Variants in SCN4A observed in about 807,000 individuals in gnomAD.
The protein encoded by SCN4A is sodium voltage-gated channel alpha subunit 4, also known as sodium channel protein type 4 subunit alpha.
A neutral mutation model predicts 162.0 loss-of-function variants in SCN4A; 83 were observed. The ratio of observed to expected loss-of-function variants is 0.51; its 90% CI spans 0.43 to 0.61. The LOEUF (loss-of-function observed/expected upper bound fraction) is 0.61, where lower values mean the gene tolerates loss of function less well. SCN4A is among the 20% of genes least tolerant of loss of function. The pLI is 0.00. For synonymous variants in SCN4A, 944 were observed against 985.1 expected (o/e 0.96, Z 0.78); for missense variants, 2,196 against 2,462.5 (o/e 0.89, Z 2.29).
intron 14 of SCN4A, 166 bp from the exon 15 acceptor site, chr17:63,949,694 G>A: frequency 1.3e-6 from 1 of 762,424 alleles, no homozygotes; most frequent in Non-Finnish European, 2.0e-6. Context: ...AGGAACCACG[G>A]GGACGTAGGT....
rs1012077814 is a variant in SCN4A, at chr17:63,957,629, C to A, written c.2020-111G>T. The A allele has an allele frequency of 8.6e-6, 6 of 696,290 alleles. No homozygotes were observed. The African/African-American group carries it at 1.1e-4, about 12-fold the overall frequency. 43.1% of individuals were successfully genotyped at this position (696,290 alleles called of 1,614,324 possible). On this transcript the variant is annotated intron_variant, in intron 12 of 23. Coordinates refer to ENST00000435607, the MANE Select transcript of SCN4A (RefSeq NM_000334.4). Reference sequence around the variant, plus strand: ...AGTAGCTTGAATCTCCAGCCCCCCACACCATCTGAGTCCTCAGTGTGCCCT... The same window carrying A: ...AGTAGCTTGAATCTCCAGCCCCCCAAACCATCTGAGTCCTCAGTGTGCCCT...
intron 14 of SCN4A, chr17:63,949,733 T>C (rs1908847636): frequency 1.1e-5 from 6 of 544,206 alleles, no homozygotes; most frequent in Admixed American, 3.4e-5. Flanking sequence ...ATGACACTTA[T>C]ATAAGGAGTG....
chr17:63,951,859 G>A lies in SCN4A; in HGVS notation c.2418C>T (p.Ser806=), dbSNP rs201306103. Residue 806 remains serine, a synonymous_variant, in exon 14 of 24, where the codon AGC becomes AGT. Transcript: ENST00000435607. The surrounding 1 kb of genome is among the most constrained non-coding windows in gnomAD (Gnocchi z 4.5). ...CATCCGAGGCTGCCAGACTGTCGGC[G>A]CTGAAGGAGCTCAGCAGCAGAGCCA... ...LFLALLLSSF[S]ADSLAASDED... is the part of the protein sequence containing the mutation. The A allele has an allele frequency of 1.9e-6, 3 of 1,555,514 alleles. No homozygotes were observed. Among genetic ancestry groups the A allele is most frequent in the Non-Finnish European group, 1.7e-6 (2 of 1,154,142 alleles).
rs1430965826 is a variant in SCN4A at position 63,972,061 on chromosome 17, C to T, written c.482+75G>A. 1.3e-5 allele frequency: 16 copies of T among 1,212,274 alleles called. No homozygotes were observed. Among genetic ancestry groups the T allele is most frequent in the Admixed American group, 1.9e-5 (1 of 51,470 alleles). The allele number at this position is 1,212,274 out of a possible 1,614,324, so 75.1% of individuals were successfully genotyped here. A position where few individuals can be genotyped will look rare whatever the true frequency, so the allele number is the denominator to read the frequency against. ...GTGTCTCCCTGAAAGACAAGAGCAG[C>T]ACCACACAGAGGTGCAAACACCTGA... On this transcript the variant is annotated intron_variant, in intron 3 of 23. Coordinates refer to ENST00000435607, the MANE Select transcript of SCN4A (RefSeq NM_000334.4). This position sits in a 1 kb window ranked among gnomAD's most constrained non-coding sequence, Gnocchi z 4.3.
In SCN4A at chr17:63,961,255, T is replaced by C; in HGVS notation, c.1783A>G (p.Met595Val). ...TICIVLNTLF[M>V]AMEHYPMTEH... ...GTCATGGGGTAATGTTCCATGGCCA[T>C]GAAGAGGGTGTTGAGCACGATGCAG... The change falls in exon 11 of 24, where the codon ATG (methionine) becomes GTG (valine). Residue 595 changes from methionine to valine, a missense_variant. Physicochemically the swap from Met to Val is conservative, Grantham distance 21. Transcript: ENST00000435607. The C allele has an allele frequency of 6.7e-7, 1 of 1,487,066 alleles. No individual in the cohort carries two copies. The highest frequency in any genetic ancestry group is 9.1e-7 in the Non-Finnish European group (1 of 1,100,148). 92.1% of individuals were successfully genotyped at this position (1,487,066 alleles called of 1,614,324 possible). A position where few individuals can be genotyped will look rare whatever the true frequency, so the allele number is the denominator to read the frequency against.
rs758298418 is a variant in SCN4A, at chr17:63,944,406, G to A, written c.3912+267C>T. 2.6e-5 allele frequency among the ~76,000 whole-genome samples: 4 copies of A among 152,100 alleles called. No individual in the cohort carries two copies. The highest frequency in any genetic ancestry group is 7.2e-5 in the African/African-American group (3 of 41,476). ...CCTGACCTTGTGATCCGCCCGCCTC[G>A]GCCTCCCAAAGTGCTGGGATTACAA... On this transcript the variant is annotated intron_variant, in intron 21 of 23. Transcript: ENST00000435607. This position sits in a 1 kb window ranked among gnomAD's most constrained non-coding sequence, Gnocchi z 4.3.
At chr17:63,947,740 GCT>G (rs1226858255) in intron 17 of SCN4A, 148 bp downstream of exon 17, 5 of 718,358 alleles carry the variant, frequency 7.0e-6, no homozygotes, top group Non-Finnish European at 1.1e-5. Flanking sequence ...TCCCTGGGCA[GCT>G]CTGTCTGAGA....
At chr17:63,966,438 A>G (rs1446731413) in intron 7 of SCN4A, 43 bp downstream of exon 7, 2 of 1,582,490 alleles carry the variant, frequency 1.3e-6, no homozygotes, top group African/African-American at 2.7e-5. Context: ...CCACCTTCCA[A>G]GACCCCTGGG....
At position 63,951,829 on chromosome 17, in the gene SCN4A, A is replaced by G. The variant is rs150307926; in HGVS notation, c.2448T>C (p.Asp816=). The G allele has an allele frequency of 5.0e-5, 79 of 1,576,068 alleles. No individual in the cohort carries two copies. The Middle Eastern group carries it at 6.6e-4, about 13-fold the overall frequency. The change falls in exon 14 of 24, where the codon GAT becomes GAC. Residue 816 remains aspartate (D), a synonymous_variant. Transcript: ENST00000435607. This position sits in a 1 kb window ranked among gnomAD's most constrained non-coding sequence, Gnocchi z 4.5. ...CAATCTGCAGGTTGTTCATCTCGCC[A>G]TCCTCATCCGAGGCTGCCAGACTGT... The part of the protein sequence containing the change: ...SADSLAASDE[D]GEMNNLQIAI...
rs3785568 is a variant in SCN4A, at chr17:63,946,431, T to G, written c.3441+614A>C. 2.7e-5 allele frequency among the ~76,000 whole-genome samples: 4 copies of G among 146,938 alleles called. No individual in the cohort carries two copies. In the East Asian group the frequency reaches 7.9e-4, roughly 29 times the overall value. On this transcript the variant is annotated intron_variant, in intron 18 of 23. Transcript: ENST00000435607. ...TGGAGCAGGTCTTGCTCCCAGCAGA[T>G]CTCTCTTCCTGGGGAAGTCCCATTT... is the stretch of plus-strand genomic sequence containing the variant.
rs1598406854 is a variant in SCN4A at position 63,945,767 on chromosome 17, C to A, written c.3442-129G>T. On this transcript the variant is annotated intron_variant, in intron 18 of 23. Transcript: ENST00000435607. The surrounding 1 kb of genome is among the most constrained non-coding windows in gnomAD (Gnocchi z 4.4). ...TTAGGGAGGGCTTCCTAGAGGAGGG[C>A]CGACCTGCTGGGCTGTGTGTGTGCA... is the stretch of plus-strand genomic sequence containing the variant. 1 of 892,156 alleles carries A rather than the reference C, an allele frequency of 1.1e-6. No homozygotes were observed. Among genetic ancestry groups the A allele is most frequent in the Non-Finnish European group, 1.7e-6 (1 of 574,250 alleles). 55.3% of individuals were successfully genotyped at this position (892,156 alleles called of 1,614,324 possible).
chr17:63,941,732 A>G lies in SCN4A; in HGVS notation c.4550T>C (p.Phe1517Ser), dbSNP rs1908540958. Residue 1517 changes from phenylalanine to serine, a missense_variant, in exon 24 of 24, where the codon TTC becomes TCC. Physicochemically the swap from Phe to Ser is radical, Grantham distance 155 (BLOSUM62 -2). Coordinates refer to ENST00000435607, the MANE Select transcript of SCN4A (RefSeq NM_000334.4). This position sits in a 1 kb window ranked among gnomAD's most constrained non-coding sequence, Gnocchi z 6.2. Reference sequence around the variant, plus strand: ...GCTGTTGCCGAAGGTCTCGAAGTTGAACATATCATCGATGCCCGACTCCTT... The same window carrying G: ...GCTGTTGCCGAAGGTCTCGAAGTTGGACATATCATCGATGCCCGACTCCTT... ...VKKESGIDDM[F>S]NFETFGNSII... The G allele has an allele frequency of 6.2e-7, 1 of 1,613,966 alleles. No homozygotes were observed. Among genetic ancestry groups the G allele is most frequent in the Non-Finnish European group, 8.5e-7 (1 of 1,180,034 alleles).
At chr17:63,942,767 G>C (rs773453397) in intron 23 of SCN4A, 59 bp downstream of exon 23, 103 of 1,541,616 alleles carry the variant, frequency 6.7e-5, no homozygotes, top group Middle Eastern at 1.8e-4. Context: ...GTGTGAGGAT[G>C]GGTCTTCCCG....
At chr17:63,968,536 T>C (rs1352733259) in intron 5 of SCN4A, among the ~76,000 whole-genome samples, 181 bp from the exon 6 acceptor site, 1 of 152,202 alleles carries the variant, frequency 6.6e-6, no homozygotes, top group Admixed American at 6.6e-5. Flanking sequence ...ATCCTCAATC[T>C]GGAGCCCTCA....
chr17:63,940,921 G>A lies in SCN4A; in HGVS notation c.5361C>T (p.Ser1787=). Residue 1787 remains serine, a synonymous_variant, in exon 24 of 24, where the codon AGC becomes AGT. Transcript: ENST00000435607. Reference sequence around the variant, plus strand: ...CCTTCTCCTCCGGGCTTGGCGAGCTGCTGTTCCCATTCTCGTGGCCATACA... The same window carrying A: ...CCTTCTCCTCCGGGCTTGGCGAGCTACTGTTCCCATTCTCGTGGCCATACA... ...SKMYGHENGN[S]SSPSPEEKGE... is the part of the protein sequence containing the mutation. The A allele has an allele frequency of 6.2e-7, 1 of 1,613,998 alleles. No homozygotes were observed.
In SCN4A at chr17:63,957,230, T is replaced by C; in HGVS notation, c.2308A>G (p.Met770Val). The C allele has an allele frequency of 1.2e-6, 2 of 1,608,416 alleles. No homozygotes were observed. The highest frequency in any genetic ancestry group is 1.7e-6 in the Non-Finnish European group (2 of 1,175,152). Residue 770 changes from methionine to valine, a missense_variant, in exon 13 of 24, where the codon ATG (methionine) becomes GTG (valine). Physicochemically the swap from Met to Val is conservative, Grantham distance 21. Transcript: ENST00000435607. ...CACATGGCTTGGCCGGCCACCTCCA[T>C]GCAGTCCCACATGGTCTCGATCCAC... is the stretch of plus-strand genomic sequence containing the variant. ...GEWIETMWDC[M>V]EVAGQAMCLT...
rs769489512 is a variant in SCN4A at position 63,964,337 on chromosome 17, C to T, written c.1452+131G>A. On this transcript the variant is annotated intron_variant, in intron 9 of 23. Coordinates refer to ENST00000435607, the MANE Select transcript of SCN4A (RefSeq NM_000334.4). Reference sequence around the variant, plus strand: ...AAAGCTCCCAGCCCAGGGCCTTCTGCTCCTTCTGCCTCAAAACCCCTACCC... The same window carrying T: ...AAAGCTCCCAGCCCAGGGCCTTCTGTTCCTTCTGCCTCAAAACCCCTACCC... 2.6e-4 allele frequency: 184 copies of T among 718,550 alleles called. 1 individual carries two copies. Among genetic ancestry groups the T allele is most frequent in the Middle Eastern group, 3.4e-4 (1 of 2,956 alleles). 44.5% of individuals were successfully genotyped at this position (718,550 alleles called of 1,614,324 possible).
rs886070528 is a variant in SCN4A at position 63,951,361 on chromosome 17, G to C, written c.2853+63C>G. 1 of 1,169,846 alleles carries C rather than the reference G, an allele frequency of 8.5e-7. No homozygotes were observed. The highest frequency in any genetic ancestry group is 1.2e-6 in the Non-Finnish European group (1 of 823,648). 72.5% of individuals were successfully genotyped at this position (1,169,846 alleles called of 1,614,324 possible). Reference sequence around the variant, plus strand: ...AAACTGAGGCTCAGAGAGGACTTAGGGCTTGCTCCAGGTCACAGGAGAATT... The same window carrying C: ...AAACTGAGGCTCAGAGAGGACTTAGCGCTTGCTCCAGGTCACAGGAGAATT... On this transcript the variant is annotated intron_variant, in intron 14 of 23. Coordinates refer to ENST00000435607, the MANE Select transcript of SCN4A (RefSeq NM_000334.4). The surrounding 1 kb of genome is among the most constrained non-coding windows in gnomAD (Gnocchi z 4.5).
In SCN4A at chr17:63,951,684, C is replaced by G. The variant is rs752159625; in HGVS notation, c.2593G>C (p.Gly865Arg). 4.3e-5 allele frequency: 69 copies of G among 1,603,132 alleles called. No homozygotes were observed. The African/African-American group carries it at 4.7e-4, about 11-fold the overall frequency. ...MLSLGEADGAGEAGEAGETAP... is the reference protein window; with the variant it reads ...MLSLGEADGAREAGEAGETAP... ...GTCTCCCCCGCCTCTCCAGCCTCCC[C>G]GGCCCCGTCAGCCTCCCCGAGGCTG... The change falls in exon 14 of 24, where the codon GGG (glycine) becomes CGG (arginine). Residue 865 changes from glycine (G) to arginine (R), a missense_variant. Coordinates refer to ENST00000435607, the MANE Select transcript of SCN4A (RefSeq NM_000334.4). This position sits in a 1 kb window ranked among gnomAD's most constrained non-coding sequence, Gnocchi z 4.5.
Sources: gnomAD v4.1 joint callset for allele counts (sites outside exome capture counted in the v4.1 genomes callset) on GRCh38, gnomAD v4.1.1 for gene constraint, Gnocchi (gnomAD v3.1) non-coding constraint, MANE v1.5 for transcripts, NCBI Gene and HGNC (gene_info 2026-07-23, HGNC 2026-07-21) for gene names.